The following SCMH1 variants were observed in gnomAD, a reference collection of about 807,000 sequenced individuals.
SCMH1 encodes Scm polycomb group protein homolog 1.
Under a neutral mutation model 70.8 loss-of-function variants are expected in SCMH1, and 37 were observed. The observed-to-expected ratio is 0.52, with a 90% CI of 0.40 to 0.69. The LOEUF (loss-of-function observed/expected upper bound fraction) is 0.69. Among genes scored for constraint, SCMH1 ranks in the 30% least tolerant of loss-of-function variants. The pLI is 0.00. For synonymous variants in SCMH1, 292 were observed against 307.4 expected, an observed-to-expected ratio of 0.95 and a Z score of 0.52; for missense variants, 607 against 827.3, an observed-to-expected ratio of 0.73 and a Z score of 3.27.
rs181510719 is a variant in SCMH1 at position 41,068,049 on chromosome 1, A to C, written c.1105+2546T>G. Among the ~76,000 whole-genome samples, 581 of 152,364 alleles carry C rather than the reference A, an allele frequency of 3.8e-3. 2 individuals are homozygous for C. Among genetic ancestry groups the C allele is most frequent in the Non-Finnish European group, 5.5e-3 (376 of 68,030 alleles). ...AGATGCAAATCTCCAACCACGGGGA[A>C]GTAGAGTATAAGCATTTCCTAAATG... On this transcript the variant is annotated intron_variant, in intron 10 of 14. Coordinates refer to ENST00000337495, the Ensembl canonical transcript of SCMH1.
chr1:41,135,503 T>G (rs1643145814), intron 6 of SCMH1, among the ~76,000 whole-genome samples: 1 of 152,212 alleles, frequency 6.6e-6, no homozygotes, highest in African/African-American at 2.4e-5. Flanking sequence ...CCTGCTGCCC[T>G]GTGAAGAAGG....
chr1:41,161,047 T>C, intron 3 of SCMH1, 149 bp from the exon 4 acceptor site: 1 of 931,720 alleles, frequency 1.1e-6, no homozygotes, highest in Non-Finnish European at 1.6e-6. Flanking sequence ...TTAGTAGTCA[T>C]TGTGGAAGCA....
chr1:41,170,879 T>G (rs1488952897), intron 2 of SCMH1, among the ~76,000 whole-genome samples: 3 of 152,212 alleles, frequency 2.0e-5, no homozygotes, highest in African/African-American at 7.2e-5. Context: ...TTTCCAGAAC[T>G]GGATTCTTAG....
intron 1 of SCMH1, among the ~76,000 whole-genome samples, chr1:41,233,496 C>G (rs142325013): frequency 2.5e-4 from 38 of 152,138 alleles, no homozygotes; most frequent in Admixed American, 5.9e-4. Flanking sequence ...GTTAATATAT[C>G]AAGTACTTAA....
intron 1 of SCMH1, among the ~76,000 whole-genome samples, chr1:41,225,438 T>C (rs1423394263): frequency 6.6e-6 from 1 of 152,180 alleles, no homozygotes; most frequent in South Asian, 2.1e-4. Context: ...TCAACATTTA[T>C]TGAGTATGTG....
At chr1:41,229,857 C>T (rs1660975939) in intron 1 of SCMH1, among the ~76,000 whole-genome samples, 1 of 152,074 alleles carries the variant, frequency 6.6e-6, no homozygotes, top group Non-Finnish European at 1.5e-5. Context: ...AACAGAGTGA[C>T]TGTGGAAGGG....
chr1:41,203,699 T>A (rs908985641), intron 1 of SCMH1, among the ~76,000 whole-genome samples: 5 of 152,252 alleles, frequency 3.3e-5, no homozygotes, highest in Non-Finnish European at 7.3e-5. Context: ...AAGGCATTCT[T>A]AAGCCACAAA....
intron 8 of SCMH1, among the ~76,000 whole-genome samples, chr1:41,076,088 T>A (rs1441512224): frequency 1.3e-5 from 2 of 152,222 alleles, no homozygotes; most frequent in Non-Finnish European, 2.9e-5. Context: ...TTCTAAGGAC[T>A]TTTTTGACTC....
At chr1:41,149,486 T>A (rs1444776932) in intron 5 of SCMH1, among the ~76,000 whole-genome samples, 3 of 152,232 alleles carry the variant, frequency 2.0e-5, no homozygotes, top group Non-Finnish European at 1.5e-5. Context: ...AATTATTCTC[T>A]AGATTATTGG....
intron 2 of SCMH1, among the ~76,000 whole-genome samples, chr1:41,171,775 CAT>C (rs990873987): frequency 6.6e-6 from 1 of 152,122 alleles, no homozygotes; most frequent in African/African-American, 2.4e-5. Context: ...ACAAATTAAA[CAT>C]GTTTCTGAAT....
At chr1:41,146,219 A>C (rs993928055) in intron 5 of SCMH1, among the ~76,000 whole-genome samples, 2 of 143,290 alleles carry the variant, frequency 1.4e-5, no homozygotes, top group Non-Finnish European at 3.1e-5. Context: ...TTTAAAAGGT[A>C]AAAAAAAAAA....
At chr1:41,205,892 C>G (rs1655423276) in intron 1 of SCMH1, among the ~76,000 whole-genome samples, 1 of 152,184 alleles carries the variant, frequency 6.6e-6, no homozygotes, top group Non-Finnish European at 1.5e-5. Flanking sequence ...GCTGGTGATA[C>G]CCAAGCAAAC....
rs907280036 is a variant in SCMH1 at position 41,152,541 on chromosome 1, A to G, written c.107-857T>C. Reference sequence around the variant, plus strand: ...TACAGACCTCATTGGATCACTAAAGATTATCAAGTTCTTTATTTAAAGGTT... The same window carrying G: ...TACAGACCTCATTGGATCACTAAAGGTTATCAAGTTCTTTATTTAAAGGTT... On this transcript the variant is annotated intron_variant, in intron 4 of 14. Transcript: ENST00000337495. The G allele has an allele frequency of 2.5e-6, 4 of 1,571,688 alleles. No individual in the cohort carries two copies. In the African/African-American group the frequency reaches 5.4e-5, roughly 21 times the overall value.
At chr1:41,121,019 G>T (rs1277706354) in intron 6 of SCMH1, among the ~76,000 whole-genome samples, 1 of 152,126 alleles carries the variant, frequency 6.6e-6, no homozygotes, top group Non-Finnish European at 1.5e-5. Context: ...AGCAGTTTCT[G>T]GTGCCAGACT....
intron 1 of SCMH1, among the ~76,000 whole-genome samples, chr1:41,241,057 T>C (rs1172899719): frequency 1.3e-5 from 2 of 152,216 alleles, no homozygotes; most frequent in African/African-American, 4.8e-5. Flanking sequence ...CTAGGAAGGA[T>C]GGGAGCCAGC....
intron 1 of SCMH1, among the ~76,000 whole-genome samples, chr1:41,196,164 C>T (rs1020261550): frequency 4.6e-5 from 7 of 152,008 alleles, no homozygotes; most frequent in Admixed American, 1.3e-4. Flanking sequence ...ACAGATTCAA[C>T]GCAATCCCTA....
intron 2 of SCMH1, among the ~76,000 whole-genome samples, chr1:41,167,624 C>A (rs1188681147): frequency 6.6e-6 from 1 of 152,106 alleles, no homozygotes; most frequent in Non-Finnish European, 1.5e-5. Context: ...GCAATGTATT[C>A]ATTTCTTCTG....
rs536126070 is a variant in SCMH1, at chr1:41,174,691, CCTT to C, written c.13+11427_13+11429del. ...ACTGTAATTGTTCTAAGTATTTTCT[CCTT>C]ATTTCATTATGAATGTTTGTGTGTA... On this transcript the variant is annotated intron_variant, in intron 2 of 14. Transcript: ENST00000337495. Among the ~76,000 whole-genome samples, 541 of 152,244 alleles carry C rather than the reference CCTT, an allele frequency of 3.6e-3. 1 individual carries two copies. Among genetic ancestry groups the C allele is most frequent in the African/African-American group, 0.012 (518 of 41,530 alleles).
At chr1:41,112,029 C>G (rs115306291) in intron 8 of SCMH1, among the ~76,000 whole-genome samples, 2,480 of 151,692 alleles carry the variant, frequency 0.016, 26 homozygotes, top group South Asian at 0.03. Flanking sequence ...GGCTATTAAA[C>G]AAAAAAAACC....
Sources: allele counts gnomAD v4.1 joint callset (sites outside exome capture counted in the v4.1 genomes callset), GRCh38; gene constraint gnomAD v4.1.1; transcripts MANE v1.5; gene names NCBI Gene and HGNC (gene_info 2026-07-23, HGNC 2026-07-21).